Variants in ABHD3 observed in about 807,000 individuals in gnomAD.
ABHD3 encodes phospholipase ABHD3.
ABHD3 carries 46 observed loss-of-function variants against 48.8 expected under a neutral mutation model. That is an observed-to-expected ratio of 0.94 (90% CI 0.74 to 1.20). The LOEUF (loss-of-function observed/expected upper bound fraction) is 1.20. Ranked by LOEUF, ABHD3 falls within the 50% of genes most tolerant of loss-of-function variation. The pLI is 0.00. For synonymous variants in ABHD3, 192 were observed against 183.7 expected, an observed-to-expected ratio of 1.04 and a Z score of -0.36; for missense variants, 490 against 497.8, an observed-to-expected ratio of 0.98 and a Z score of 0.15.
chr18:21,659,919 C>T (rs1232194526), intron 5 of ABHD3, among the ~76,000 whole-genome samples: 2 of 150,926 alleles, frequency 1.3e-5, no homozygotes, highest in East Asian at 1.9e-4. Context: ...ACCTGCCCAC[C>T]TTGGCCTCCC....
chr18:21,700,884 A>G (rs1004139364), intron 3 of ABHD3, among the ~76,000 whole-genome samples: 2 of 146,172 alleles, frequency 1.4e-5, no homozygotes, highest in Non-Finnish European at 3.0e-5. Context: ...TCACGCCTGT[A>G]AGAGACTGCA....
At position 21,651,758 on chromosome 18, in the gene ABHD3, G is replaced by C. The variant is rs774469085; in HGVS notation, c.1063C>G (p.Pro355Ala). The C allele has an allele frequency of 3.9e-6, 6 of 1,546,610 alleles. No homozygotes were observed. In the South Asian group the frequency reaches 7.3e-5, roughly 19 times the overall value. The change falls in exon 9 of 9, where the codon CCA becomes GCA. Residue 355 changes from proline (P) to alanine (A), a missense_variant. Pro to Ala is a conservative substitution (Grantham distance 27). Coordinates refer to ENST00000289119, the MANE Select transcript of ABHD3 (RefSeq NM_138340.5). ...GGATTTTGCTTAGCAGTTTCTATTGGAATAGCTTCAGACCAAAAAAAACAT... is the reference window on the plus strand; with the variant it reads ...GGATTTTGCTTAGCAGTTTCTATTGCAATAGCTTCAGACCAAAAAAAACAT... ...DDVFSPSHAI[P>A]IETAKQNPNV...
intron 4 of ABHD3, among the ~76,000 whole-genome samples, chr18:21,668,225 G>GAA (rs2039681889): frequency 9.4e-6 from 1 of 106,166 alleles, no homozygotes; most frequent in Non-Finnish European, 1.8e-5. Flanking sequence ...AAAAAAGAAA[G>GAA]AAAAAGAAAA....
intron 8 of ABHD3, among the ~76,000 whole-genome samples, chr18:21,655,289 T>G (rs1008337030): frequency 2.0e-4 from 30 of 150,938 alleles, no homozygotes; most frequent in Admixed American, 8.6e-4. Flanking sequence ...AAAAAGTTTT[T>G]TTTTTTTTTT....
chr18:21,664,226 G>A lies in ABHD3; in HGVS notation c.560C>T (p.Pro187Leu). 1 of 1,608,500 alleles carries A rather than the reference G, an allele frequency of 6.2e-7. No homozygotes were observed. Among genetic ancestry groups the A allele is most frequent in the Admixed American group, 1.7e-5 (1 of 58,278 alleles). ...RGVAGENLLT[P>L]RTYCCANTED... ...AGTGTTAGCACAACAATAAGTCCTT[G>A]GCGTCTGGAAGTAGTGACAAGTAAA... The change falls in exon 5 of 9, where the codon CCA becomes CTA. Residue 187 changes from proline to leucine, a missense_variant. Transcript: ENST00000289119.
At chr18:21,692,092 G>C (rs1175980394) in intron 3 of ABHD3, among the ~76,000 whole-genome samples, 2 of 152,134 alleles carry the variant, frequency 1.3e-5, no homozygotes, top group African/African-American at 2.4e-5. Flanking sequence ...TGGGATTACA[G>C]GCGTCCACCA....
chr18:21,668,839 T>C (rs2039694825), intron 4 of ABHD3, among the ~76,000 whole-genome samples: 1 of 152,200 alleles, frequency 6.6e-6, no homozygotes, highest in Non-Finnish European at 1.5e-5. Context: ...GATAAAGCAC[T>C]ATACAATCTG....
intron 6 of ABHD3, among the ~76,000 whole-genome samples, chr18:21,657,843 T>C (rs948799173): frequency 6.6e-6 from 1 of 152,068 alleles, no homozygotes; most frequent in African/African-American, 2.4e-5. Flanking sequence ...CATAAATATA[T>C]ACACCTACTA....
chr18:21,676,263 T>C (rs751566401), intron 4 of ABHD3, among the ~76,000 whole-genome samples: 20 of 152,238 alleles, frequency 1.3e-4, no homozygotes, highest in Admixed American at 7.2e-4. Context: ...CTTAGGTAAA[T>C]CATTTACTCA....
At chr18:21,700,769 A>T (rs2040489223) in intron 3 of ABHD3, among the ~76,000 whole-genome samples, 1 of 150,608 alleles carries the variant, frequency 6.6e-6, no homozygotes, top group Non-Finnish European at 1.5e-5. Flanking sequence ...CAGTAATTTA[A>T]ATATGTACAA....
intron 5 of ABHD3, chr18:21,663,671 A>G: frequency 6.5e-7 from 1 of 1,535,498 alleles, no homozygotes; most frequent in African/African-American, 1.4e-5. Context: ...ACAAAACAAA[A>G]TACCACCTGG....
chr18:21,652,160 G>C (rs1317752022), intron 8 of ABHD3, among the ~76,000 whole-genome samples: 1 of 152,148 alleles, frequency 6.6e-6, no homozygotes, highest in African/African-American at 2.4e-5. Context: ...TAGCATCTTT[G>C]TGAGAGTTAG....
At chr18:21,704,382 G>T (rs2146346101) in intron 1 of ABHD3, 122 bp downstream of exon 1, 2 of 1,073,822 alleles carry the variant, frequency 1.9e-6, no homozygotes, top group Non-Finnish European at 1.2e-6. Flanking sequence ...GCTGCCGCTC[G>T]GGAGCAGCTC....
At chr18:21,667,321 C>T (rs986920878) in intron 4 of ABHD3, among the ~76,000 whole-genome samples, 9 of 148,154 alleles carry the variant, frequency 6.1e-5, no homozygotes, top group South Asian at 2.1e-4. Context: ...CTCGGCTCAC[C>T]GCAACCTCCG....
chr18:21,704,095 C>T (rs1381568419), intron 1 of ABHD3, among the ~76,000 whole-genome samples: 1 of 152,242 alleles, frequency 6.6e-6, no homozygotes, highest in Non-Finnish European at 1.5e-5. Flanking sequence ...CCATTTTGGT[C>T]AGGCTGGTCT....
intron 4 of ABHD3, among the ~76,000 whole-genome samples, chr18:21,672,864 C>A (rs200735473): frequency 6.6e-6 from 1 of 151,916 alleles, no homozygotes; most frequent in Admixed American, 6.6e-5. Context: ...ATTAAATGAC[C>A]ATTGTCTAAA....
At chr18:21,652,060 TTAAAG>T (rs2039234782) in intron 8 of ABHD3, among the ~76,000 whole-genome samples, 1 of 152,150 alleles carries the variant, frequency 6.6e-6, no homozygotes, top group South Asian at 2.1e-4. Context: ...CTTTGAGAAA[TTAAAG>T]TAAGACAATT....
intron 8 of ABHD3, 71 bp downstream of exon 8, chr18:21,656,790 T>C (rs2039361046): frequency 2.2e-6 from 3 of 1,343,462 alleles, no homozygotes; most frequent in Admixed American, 2.6e-5. Flanking sequence ...CTTATTACTA[T>C]ATTTCCTTAA....
At position 21,703,595 on chromosome 18, in the gene ABHD3, C is replaced by A; in HGVS notation, c.315G>T (p.Val105=). 2 of 1,612,564 alleles carry A rather than the reference C, an allele frequency of 1.2e-6. No homozygotes were observed. The highest frequency in any genetic ancestry group is 1.7e-6 in the Non-Finnish European group (2 of 1,178,688). ...GGAAATTCACTTACTTCCTGTACTG[C>A]ACCGGGGGCTTCGAAGTGATGAAAG... ...LRPFITSKPP[V]QYRNELIKTA... The change falls in exon 2 of 9, where the codon GTG becomes GTT. Residue 105 remains valine (V), a synonymous_variant. Coordinates refer to ENST00000289119, the MANE Select transcript of ABHD3 (RefSeq NM_138340.5).
Sources: allele counts gnomAD v4.1 joint callset (sites outside exome capture counted in the v4.1 genomes callset), GRCh38; gene constraint gnomAD v4.1.1; transcripts MANE v1.5; gene names NCBI Gene and HGNC (gene_info 2026-07-23, HGNC 2026-07-21).